The following CAT variants were observed in gnomAD, a reference collection of about 807,000 sequenced individuals.
CAT encodes epididymis secretory sperm binding protein.
A neutral mutation model predicts 59.0 loss-of-function variants in CAT; 43 were observed. The observed-to-expected ratio is 0.73, with a 90% CI of 0.57 to 0.94. The LOEUF (loss-of-function observed/expected upper bound fraction) is 0.94. CAT is among the 40% of genes least tolerant of loss of function. The pLI is 0.00. For synonymous variants in CAT, 218 were observed against 230.9 expected (o/e 0.94, Z 0.51); for missense variants, 664 against 682.9 (o/e 0.97, Z 0.31).
At chr11:34,448,210 TG>T (rs1261111047) in intron 1 of CAT, among the ~76,000 whole-genome samples, 1 of 152,072 alleles carries the variant, frequency 6.6e-6, no homozygotes, top group Non-Finnish European at 1.5e-5. Flanking sequence ...CCACTCTAGG[TG>T]TGTGGAAATA....
chr11:34,453,926 G>A lies in CAT; in HGVS notation c.711G>A (p.Lys237=). 1 of 1,613,764 alleles carries A rather than the reference G, an allele frequency of 6.2e-7. No individual in the cohort carries two copies. Among genetic ancestry groups the A allele is most frequent in the Non-Finnish European group, 8.5e-7 (1 of 1,179,760 alleles). Residue 237 remains lysine, a splice_region_variant and synonymous_variant, in exon 6 of 13, where the codon AAG becomes AAA. Coordinates refer to ENST00000241052, the MANE Select transcript of CAT (RefSeq NM_001752.4). ...CAGTTTATTGCAAATTCCATTATAA[G>A]GTATGTGTTACCTTTGGGGCAGAGG... The part of the protein sequence containing the change: ...GEAVYCKFHY[K]TDQGIKNLSV...
At chr11:34,460,395 G>A (rs1398321966) in intron 8 of CAT, among the ~76,000 whole-genome samples, 1 of 149,994 alleles carries the variant, frequency 6.7e-6, no homozygotes, top group East Asian at 1.9e-4. Flanking sequence ...AAGTCTCAGA[G>A]CTCAAAGTGT....
chr11:34,446,797 A>C (rs1281925187), intron 1 of CAT, among the ~76,000 whole-genome samples: 2 of 151,174 alleles, frequency 1.3e-5, no homozygotes, highest in Non-Finnish European at 2.9e-5. Flanking sequence ...GCTGGAGTGC[A>C]ATGGCACGAT....
At position 34,439,986 on chromosome 11, in the gene CAT, C is replaced by T. The variant is rs143382239; in HGVS notation, c.66+907C>T. ...GGGAGGCATTCCTGGCCTGTGCCCA[C>T]GGCTGCAGAGTCTCAGAGGGCATCT... On this transcript the variant is annotated intron_variant, in intron 1 of 12. Transcript: ENST00000241052. 2.2e-3 allele frequency among the ~76,000 whole-genome samples: 337 copies of T among 152,256 alleles called. 2 individuals carry two copies. Among genetic ancestry groups the T allele is most frequent in the African/African-American group, 7.4e-3 (306 of 41,542 alleles).
intron 1 of CAT, among the ~76,000 whole-genome samples, chr11:34,445,836 C>T (rs1271534015): frequency 1.3e-5 from 2 of 152,146 alleles, no homozygotes; most frequent in Non-Finnish European, 2.9e-5. Context: ...CCTGTCCTTA[C>T]GTGTTACATG....
At chr11:34,468,889 G>A (rs1856746838) in intron 11 of CAT, among the ~76,000 whole-genome samples, 1 of 152,114 alleles carries the variant, frequency 6.6e-6, no homozygotes, top group Admixed American at 6.5e-5. Context: ...TCTAAAATCA[G>A]TCAATCAGTC....
rs1856516468 is a variant in CAT at position 34,450,911 on chromosome 11, T to C, written c.239-77T>C. 1.1e-5 allele frequency: 10 copies of C among 938,370 alleles called. No individual in the cohort carries two copies. The South Asian group carries it at 1.3e-4, about 12-fold the overall frequency. The allele number at this position is 938,370 out of a possible 1,614,324, so 58.1% of individuals were successfully genotyped here. ...TGGTGCTAACCATCATTTTCTCTTG[T>C]CACCCAGGTGCCTGTTGAGGACCTG... On this transcript the variant is annotated intron_variant, in intron 2 of 12. Coordinates refer to ENST00000241052, the MANE Select transcript of CAT (RefSeq NM_001752.4).
At chr11:34,467,893 A>G (rs992623318) in intron 10 of CAT, among the ~76,000 whole-genome samples, 6 of 152,164 alleles carry the variant, frequency 3.9e-5, no homozygotes, top group Non-Finnish European at 4.4e-5. Context: ...ATCAAATTAT[A>G]TCTCTAGCTA....
intron 1 of CAT, 97 bp downstream of exon 1, chr11:34,439,176 G>C: frequency 8.6e-7 from 1 of 1,157,706 alleles, no homozygotes; most frequent in East Asian, 2.6e-5. Context: ...GGCGCTTGGA[G>C]GGACTGTACC....
At chr11:34,461,992 C>T (rs915003448) in intron 9 of CAT, among the ~76,000 whole-genome samples, 3 of 152,148 alleles carry the variant, frequency 2.0e-5, no homozygotes, top group African/African-American at 7.2e-5. Flanking sequence ...CAACTTACCA[C>T]TTTTTGTTTT....
At chr11:34,458,865 C>A (rs931370095) in intron 8 of CAT, among the ~76,000 whole-genome samples, 4 of 152,130 alleles carry the variant, frequency 2.6e-5, no homozygotes, top group Non-Finnish European at 4.4e-5. Context: ...CCTAAGAAAG[C>A]AAATGTCTAA....
At chr11:34,445,464 C>G (rs1856439150) in intron 1 of CAT, among the ~76,000 whole-genome samples, 1 of 128,832 alleles carries the variant, frequency 7.8e-6, no homozygotes, top group Admixed American at 9.2e-5. Context: ...CCACTGCACT[C>G]CAGCCTGGGC....
intron 10 of CAT, among the ~76,000 whole-genome samples, chr11:34,467,138 A>G (rs1446289416): frequency 6.6e-6 from 1 of 152,250 alleles, no homozygotes; most frequent in African/African-American, 2.4e-5. Context: ...AAAGAGATGC[A>G]AAAAAGGAAT....
At chr11:34,461,096 T>C in intron 8 of CAT, 155 bp from the exon 9 acceptor site, 1 of 826,866 alleles carries the variant, frequency 1.2e-6, no homozygotes, top group Non-Finnish European at 2.1e-6. Flanking sequence ...TTCATAAGAG[T>C]AGAGGCTTCA....
intron 1 of CAT, among the ~76,000 whole-genome samples, chr11:34,440,299 C>T (rs1378253625): frequency 6.6e-6 from 1 of 152,148 alleles, no homozygotes; most frequent in Non-Finnish European, 1.5e-5. Context: ...TGGCCCTGTT[C>T]TTTGTTATAT....
At chr11:34,466,232 C>T (rs544426140) in intron 10 of CAT, among the ~76,000 whole-genome samples, 43 of 152,326 alleles carry the variant, frequency 2.8e-4, no homozygotes, top group South Asian at 2.7e-3. Context: ...TCTCTTTCTA[C>T]GCCATCTGTC....
intron 10 of CAT, among the ~76,000 whole-genome samples, chr11:34,465,039 C>T (rs1183022545): frequency 6.6e-6 from 1 of 152,200 alleles, no homozygotes; most frequent in Non-Finnish European, 1.5e-5. Flanking sequence ...AGAGCTGTTT[C>T]AGCACATGCT....
At chr11:34,468,250 T>C (rs1406162649) in intron 10 of CAT, 38 bp from the exon 11 acceptor site, 1 of 1,411,048 alleles carries the variant, frequency 7.1e-7, no homozygotes. Flanking sequence ...GATAAACTGG[T>C]GATTCAATTC....
At chr11:34,439,180 C>G in intron 1 of CAT, 101 bp downstream of exon 1, 1 of 1,125,526 alleles carries the variant, frequency 8.9e-7, no homozygotes, top group Non-Finnish European at 1.3e-6. Flanking sequence ...CTTGGAGGGA[C>G]TGTACCGCGG....
Sources: gnomAD v4.1 joint callset for allele counts (sites outside exome capture counted in the v4.1 genomes callset) on GRCh38, gnomAD v4.1.1 for gene constraint, MANE v1.5 for transcripts, NCBI Gene and HGNC (gene_info 2026-07-23, HGNC 2026-07-21) for gene names.